EXOC5: variants seen among roughly 807,000 people sequenced by gnomAD.
EXOC5 encodes exocyst complex component 5.
EXOC5 carries 17 observed loss-of-function variants against 90.8 expected under a neutral mutation model. That is an observed-to-expected ratio of 0.19 (90% confidence interval 0.13 to 0.28). EXOC5 has a LOEUF of 0.28. Ranked by LOEUF, EXOC5 falls within the 10% of genes least tolerant of loss-of-function variation. The pLI is 1.00. For synonymous variants in EXOC5, 260 were observed against 270.0 expected, an observed-to-expected ratio of 0.96 and a Z score of 0.36; for missense variants, 569 against 830.6, an observed-to-expected ratio of 0.69 and a Z score of 3.87.
At position 57,239,632 on chromosome 14, in the gene EXOC5, T is replaced by A; in HGVS notation, c.493A>T (p.Lys165Ter). 6.5e-7 allele frequency: 1 copy of A among 1,544,780 alleles called. No homozygotes were observed. Among genetic ancestry groups the A allele is most frequent in the Non-Finnish European group, 8.7e-7 (1 of 1,144,040 alleles). Residue 165 changes from lysine (K) to a stop codon, truncating the protein, a stop_gained, in exon 5 of 18, where the codon AAG becomes TAG. Transcript: ENST00000621441. LOFTEE classifies it high-confidence loss of function. ...KIKEAADIIQ[K>*]LHLIAQELPF... ...AACTCTTGGGCAATTAGGTGCAACT[T>A]CTGAATGATGTCTGCTGCTTCCTTT...
chr14:57,217,721 C>G (rs919204345), intron 15 of EXOC5, among the ~76,000 whole-genome samples: 1 of 152,018 alleles, frequency 6.6e-6, no homozygotes, highest in African/African-American at 2.4e-5. Context: ...ATATTTCTCA[C>G]TTTAAATCAA....
intron 1 of EXOC5, chr14:57,268,343 CCT>C: frequency 6.5e-6 from 5 of 765,222 alleles, no homozygotes; most frequent in African/African-American, 3.6e-5. Flanking sequence ...CCAGACTTTC[CCT>C]CTTGCCCCCA....
intron 15 of EXOC5, chr14:57,211,728 C>A (rs28807516): frequency 0.24 from 37,002 of 152,174 alleles, 10,860 homozygotes; most frequent in African/African-American, 0.71. Context: ...CAAAAATTAG[C>A]CAGCCATGGT....
At position 57,206,476 on chromosome 14, in the gene EXOC5, A is replaced by T. The variant is rs1041496138; in HGVS notation, c.*2133T>A. The T allele has an allele frequency of 3.9e-5, 6 of 152,076 alleles. No homozygotes were observed. The highest frequency in any genetic ancestry group is 4.4e-5 in the Non-Finnish European group (3 of 67,958). 9.4% of individuals were successfully genotyped at this position (152,076 alleles called of 1,614,324 possible). On this transcript the variant is annotated 3_prime_UTR_variant, in exon 18 of 18. Transcript: ENST00000621441. ...GTATTTTTTGCTAAAAAAGAAAATG[A>T]GAAGACCTGTGCTGTGAAAAATTTT...
chr14:57,232,468 C>A, intron 10 of EXOC5, 199 bp downstream of exon 10: 1 of 350,202 alleles, frequency 2.9e-6, no homozygotes, highest in Non-Finnish European at 5.1e-6. Context: ...AGCATAACAT[C>A]CAATTCCTGA....
chr14:57,225,568 C>A (rs781253102), intron 12 of EXOC5, among the ~76,000 whole-genome samples: 13 of 141,070 alleles, frequency 9.2e-5, no homozygotes, highest in Non-Finnish European at 1.8e-4. Flanking sequence ...ATAATCTACA[C>A]AGAAAAGCCA....
rs774306711 is a variant in EXOC5, at chr14:57,268,616, G to A, written c.27+6C>T. 8.2e-6 allele frequency: 13 copies of A among 1,589,900 alleles called. No individual in the cohort carries two copies. The highest frequency in any genetic ancestry group is 1.7e-4 in the Middle Eastern group (1 of 5,812). On this transcript the variant is annotated splice_donor_region_variant and intron_variant, in intron 1 of 17. Transcript: ENST00000621441. ...TGCCACTCCCTGTAGAGCCGCCGGG[G>A]CCCACCTCGAAGAGCTCGGCCGTGG...
At chr14:57,217,616 GT>G (rs1883012642) in intron 15 of EXOC5, among the ~76,000 whole-genome samples, 1 of 152,024 alleles carries the variant, frequency 6.6e-6, no homozygotes, top group Admixed American at 6.6e-5. Context: ...CTGCCTCTCC[GT>G]GGGCCTCCCT....
intron 1 of EXOC5, among the ~76,000 whole-genome samples, chr14:57,262,592 A>C (rs186146284): frequency 0.011 from 1,651 of 147,538 alleles, 6 homozygotes; most frequent in Non-Finnish European, 0.018. Context: ...ATATATACAC[A>C]TATATTAAGT....
At chr14:57,268,264 C>A in intron 1 of EXOC5, 1 of 387,978 alleles carries the variant, frequency 2.6e-6, no homozygotes, top group South Asian at 3.2e-5. Context: ...TCCTGGCTCT[C>A]TTTCCTCGTC....
chr14:57,258,349 A>G (rs1382109478), intron 1 of EXOC5, among the ~76,000 whole-genome samples: 1 of 152,198 alleles, frequency 6.6e-6, no homozygotes, highest in Non-Finnish European at 1.5e-5. Flanking sequence ...CATATATACC[A>G]TGGAATACTA....
In EXOC5 at chr14:57,230,436, CACACACACAA is replaced by C. The variant is rs1275091702; in HGVS notation, c.1149-565_1149-556del. 7.1e-3 allele frequency among the ~76,000 whole-genome samples: 1,075 copies of C among 151,596 alleles called. 19 individuals are homozygous for C. The highest frequency in any genetic ancestry group is 0.025 in the African/African-American group (1,014 of 40,986). ...TGAGACTACCGTAAACACACACACA[CACACACACAA>C]ACACACACACAAATTCCTATTATTC... On this transcript the variant is annotated intron_variant, in intron 11 of 17. Transcript: ENST00000621441.
chr14:57,249,650 C>T (rs995376423), intron 1 of EXOC5, among the ~76,000 whole-genome samples: 1 of 151,784 alleles, frequency 6.6e-6, no homozygotes, highest in Admixed American at 6.6e-5. Context: ...TCCTCTGGAT[C>T]TAGTGGAGGA....
In EXOC5 at chr14:57,227,502, T is replaced by C. The variant is rs1343951303; in HGVS notation, c.1296+2232A>G. 5.3e-5 allele frequency among the ~76,000 whole-genome samples: 8 copies of C among 152,212 alleles called. No homozygotes were observed. The East Asian group carries it at 9.6e-4, about 18-fold the overall frequency. On this transcript the variant is annotated intron_variant, in intron 12 of 17. Transcript: ENST00000621441. Reference sequence around the variant, plus strand: ...CTGTTATGATGTTATACATATCACATGAACCTATGAGTTTCTCTAAGAAAC... The same window carrying C: ...CTGTTATGATGTTATACATATCACACGAACCTATGAGTTTCTCTAAGAAAC...
chr14:57,247,335 T>TTTTAGAAGTATAATA (rs1482089981), intron 2 of EXOC5, among the ~76,000 whole-genome samples: 9 of 152,204 alleles, frequency 5.9e-5, no homozygotes, highest in African/African-American at 2.2e-4. Flanking sequence ...AATGTTTTTA[T>TTTTAGAAGTATAATA]TTTAGAAGTA....
At chr14:57,210,216 C>G (rs1001359770) in intron 15 of EXOC5, among the ~76,000 whole-genome samples, 155 bp from the exon 16 acceptor site, 4 of 152,100 alleles carry the variant, frequency 2.6e-5, no homozygotes, top group African/African-American at 9.7e-5. Context: ...TAGAAAAAGT[C>G]AGCTCTAGGT....
chr14:57,245,935 A>G (rs1250691185), intron 3 of EXOC5, among the ~76,000 whole-genome samples: 1 of 151,960 alleles, frequency 6.6e-6, no homozygotes, highest in East Asian at 1.9e-4. Context: ...ATGTAATCCT[A>G]CCTACTCGGG....
rs1882470881 is a variant in EXOC5, at chr14:57,200,510, T to A, written c.*8099A>T. 2.0e-5 allele frequency: 3 copies of A among 152,162 alleles called. No homozygotes were observed. The highest frequency in any genetic ancestry group is 4.8e-5 in the African/African-American group (2 of 41,444). 9.4% of individuals were successfully genotyped at this position (152,162 alleles called of 1,614,324 possible). A position where few individuals can be genotyped will look rare whatever the true frequency, so the allele number is the denominator to read the frequency against. ...TACAAAAACAACAATTGTATGATCA[T>A]TTTTCCTTTGAACTTTATTAGTAAA... is the stretch of plus-strand genomic sequence containing the variant. On this transcript the variant is annotated 3_prime_UTR_variant, in exon 18 of 18. Transcript: ENST00000621441.
At chr14:57,243,292 T>C (rs558122477) in intron 4 of EXOC5, 1 of 152,308 alleles carries the variant, frequency 6.6e-6, no homozygotes, top group African/African-American at 2.4e-5. Context: ...TGTACACACA[T>C]AACTATTTTC....
Sources: gnomAD v4.1 joint callset for allele counts (sites outside exome capture counted in the v4.1 genomes callset) on GRCh38, gnomAD v4.1.1 for gene constraint, MANE v1.5 for transcripts, NCBI Gene and HGNC (gene_info 2026-07-23, HGNC 2026-07-21) for gene names.